INO80: variants seen among roughly 807,000 people sequenced by gnomAD.
INO80 encodes INO80 complex ATPase subunit.
In INO80, 20 loss-of-function variants were observed where a neutral mutation model predicts 203.4. The observed-to-expected ratio is 0.10, with a 90% CI of 0.07 to 0.14. The LOEUF (loss-of-function observed/expected upper bound fraction) is 0.14, where lower values mean the gene tolerates loss of function less well. Among genes scored for constraint, INO80 ranks in the 10% least tolerant of loss-of-function variants. The pLI is 1.00. For synonymous variants in INO80, 726 were observed against 685.2 expected, an observed-to-expected ratio of 1.06 and a Z score of -0.93; for missense variants, 1,419 against 1,914.4, an observed-to-expected ratio of 0.74 and a Z score of 4.83.
chr15:41,020,917 G>A lies in INO80; in HGVS notation c.3257C>T (p.Ser1086Phe), dbSNP rs779660848. The change falls in exon 26 of 36, where the codon TCT (serine) becomes TTT (phenylalanine). Residue 1086 changes from serine (S) to phenylalanine (F), a missense_variant. By Grantham distance (155) the Ser-to-Phe change is radical. This residue lies in a region of INO80 where 302 missense variants were observed against 345.4 expected (regional missense o/e 0.87). Coordinates refer to ENST00000648947, the MANE Select transcript of INO80 (RefSeq NM_017553.3). ...LWSIRPQNGW[S>F]FIRIPGKESL... is the part of the protein sequence containing the mutation. ...GAACTCACCTGGAATCCTGATGAAA[G>A]ACCAGCCATTCTGAGGTCTGATGCT... The A allele has an allele frequency of 6.2e-7, 1 of 1,611,462 alleles. No individual in the cohort carries two copies. Among genetic ancestry groups the A allele is most frequent in the Non-Finnish European group, 8.5e-7 (1 of 1,177,866 alleles).
rs544971616 is a variant in INO80, at chr15:41,096,805, A to T, written c.-43-452T>A. Reference sequence around the variant, plus strand: ...AATAGGTGCTGCCCTCTTCATTTTGAATTCATATTCATACATATATGTAAG... The same window carrying T: ...AATAGGTGCTGCCCTCTTCATTTTGTATTCATATTCATACATATATGTAAG... On this transcript the variant is annotated intron_variant, in intron 1 of 35. Coordinates refer to ENST00000648947, the MANE Select transcript of INO80 (RefSeq NM_017553.3). 5.3e-5 allele frequency among the ~76,000 whole-genome samples: 8 copies of T among 152,306 alleles called. No homozygotes were observed. In the East Asian group the frequency reaches 1.5e-3, roughly 29 times the overall value.
intron 29 of INO80, among the ~76,000 whole-genome samples, chr15:40,993,133 C>T (rs1463149431): frequency 1.3e-5 from 2 of 152,168 alleles, no homozygotes; most frequent in Non-Finnish European, 2.9e-5. Context: ...AAAAAGAATT[C>T]CTACTCTTAT....
intron 1 of INO80, among the ~76,000 whole-genome samples, chr15:41,103,468 CA>C (rs1163921076): frequency 2.6e-5 from 4 of 152,202 alleles, no homozygotes; most frequent in Non-Finnish European, 4.4e-5. Context: ...CAGCTCACTG[CA>C]ACCTCCGCCT....
intron 16 of INO80, among the ~76,000 whole-genome samples, chr15:41,056,948 G>A (rs796293726): frequency 9.9e-5 from 15 of 152,224 alleles, no homozygotes; most frequent in African/African-American, 3.6e-4. Flanking sequence ...GCCTCAAATA[G>A]GCAGAGTTGT....
chr15:41,082,279 C>G (rs1375775868), intron 7 of INO80, among the ~76,000 whole-genome samples: 1 of 143,398 alleles, frequency 7.0e-6, no homozygotes, highest in Admixed American at 7.0e-5. Flanking sequence ...AAAGTCATTT[C>G]TTGGCCAGGC....
intron 24 of INO80, among the ~76,000 whole-genome samples, chr15:41,037,506 A>T (rs964164573): frequency 6.6e-6 from 1 of 152,120 alleles, no homozygotes; most frequent in Non-Finnish European, 1.5e-5. Flanking sequence ...TCCATCTCCA[A>T]AAAAATTAAT....
chr15:40,992,946 C>A (rs2043834949), intron 29 of INO80, among the ~76,000 whole-genome samples: 1 of 152,178 alleles, frequency 6.6e-6, no homozygotes, highest in South Asian at 2.1e-4. Flanking sequence ...GCATGTGCCA[C>A]CACGCCTGAC....
At chr15:41,104,097 T>G (rs1426145338) in intron 1 of INO80, among the ~76,000 whole-genome samples, 2 of 150,110 alleles carry the variant, frequency 1.3e-5, no homozygotes, top group Non-Finnish European at 2.9e-5. Flanking sequence ...GGTGCATGCC[T>G]GTAATCCCAG....
rs13380096 is a variant in INO80 at position 41,091,143 on chromosome 15, C to T, written c.537+884G>A. ...TTCCTTATGTTGGTCAGGCTGGTCT[C>T]GAACTCCTGACCTCAGGTGATTCAC... On this transcript the variant is annotated intron_variant, in intron 5 of 35. Transcript: ENST00000648947. Among the ~76,000 whole-genome samples the T allele has an allele frequency of 9.8e-3, 1,497 of 152,214 alleles. 29 individuals are homozygous for T. Among genetic ancestry groups the T allele is most frequent in the African/African-American group, 0.035 (1,451 of 41,526 alleles).
chr15:40,984,069 C>T, intron 33 of INO80, 128 bp downstream of exon 33: 1 of 1,328,844 alleles, frequency 7.5e-7, no homozygotes, highest in Non-Finnish European at 1.0e-6. Context: ...TTACAGACCT[C>T]ATGTGCAACC....
intron 20 of INO80, among the ~76,000 whole-genome samples, chr15:41,049,623 C>G (rs1343061322): frequency 2.6e-5 from 4 of 152,194 alleles, no homozygotes; most frequent in African/African-American, 9.7e-5. Context: ...AGGCCAGGCG[C>G]AGTGGCTCAC....
At chr15:41,087,175 A>C (rs1031726868) in intron 6 of INO80, among the ~76,000 whole-genome samples, 3 of 152,166 alleles carry the variant, frequency 2.0e-5, no homozygotes, top group African/African-American at 7.2e-5. Context: ...CTGAATATGT[A>C]CAAACTTTTT....
At position 41,072,136 on chromosome 15, in the gene INO80, AATAT is replaced by A. The variant is rs1262395608; in HGVS notation, c.1396-82_1396-79del. 4.3e-6 allele frequency: 4 copies of A among 935,180 alleles called. No homozygotes were observed. In the Admixed American group the frequency reaches 8.4e-5, roughly 20 times the overall value. 57.9% of individuals were successfully genotyped at this position (935,180 alleles called of 1,614,324 possible). On this transcript the variant is annotated intron_variant, in intron 11 of 35. Transcript: ENST00000648947. Reference sequence around the variant, plus strand: ...ACATGAAAATAAGACTCAAGATAACAATATATCTACCCTGTGCTAAGAAAAATAA... The same window carrying A: ...ACATGAAAATAAGACTCAAGATAACAATCTACCCTGTGCTAAGAAAAATAA...
At chr15:41,046,685 T>C (rs567708535) in intron 23 of INO80, among the ~76,000 whole-genome samples, 3 of 151,960 alleles carry the variant, frequency 2.0e-5, no homozygotes, top group Non-Finnish European at 4.4e-5. Flanking sequence ...TGGAGCGATC[T>C]TGACTCACTG....
intron 7 of INO80, 90 bp downstream of exon 7, chr15:41,085,279 G>T (rs1163699506): frequency 2.7e-6 from 3 of 1,101,382 alleles, no homozygotes; most frequent in Non-Finnish European, 4.1e-6. Context: ...ATTCCTATCT[G>T]TGAAAGTATC....
chr15:41,015,944 C>CAA (rs200056630), intron 27 of INO80, 144 bp downstream of exon 27: 1,093 of 464,882 alleles, frequency 2.4e-3, no homozygotes, highest in Non-Finnish European at 2.5e-3. Context: ...GACTCTGTCT[C>CAA]AAAAAAAAAA....
chr15:41,083,574 C>T lies in INO80; in HGVS notation c.873+1795G>A, dbSNP rs1054673935. 9.2e-5 allele frequency among the ~76,000 whole-genome samples: 14 copies of T among 151,764 alleles called. 1 individual carries two copies. In the East Asian group the frequency reaches 9.7e-4, roughly 11 times the overall value. On this transcript the variant is annotated intron_variant, in intron 7 of 35. Transcript: ENST00000648947. Reference sequence around the variant, plus strand: ...TACAAAAATTAGCTGGGTGTGACGGCGCGCACCTGTAGTCCCAGCTACTCA... The same window carrying T: ...TACAAAAATTAGCTGGGTGTGACGGTGCGCACCTGTAGTCCCAGCTACTCA...
At position 40,980,027 on chromosome 15, in the gene INO80, G is replaced by T. The variant is rs1383990072; in HGVS notation, c.*196C>A. 3.4e-6 allele frequency: 2 copies of T among 596,878 alleles called. No homozygotes were observed. The highest frequency in any genetic ancestry group is 2.9e-5 in the Admixed American group (1 of 33,976). The allele number at this position is 596,878 out of a possible 1,614,324, so 37.0% of individuals were successfully genotyped here. A position where few individuals can be genotyped will look rare whatever the true frequency, so the allele number is the denominator to read the frequency against. ...CATGCCCTGTGGCCTTCCTCCTACA[G>T]GCACCCCAGATGCTCCTGATGAGAC... On this transcript the variant is annotated 3_prime_UTR_variant, in exon 36 of 36. Transcript: ENST00000648947.
chr15:41,016,292 C>A, intron 26 of INO80, 77 bp from the exon 27 acceptor site: 2 of 1,371,316 alleles, frequency 1.5e-6, no homozygotes, highest in Non-Finnish European at 2.0e-6. Flanking sequence ...AAGCTGTATG[C>A]AACCACAATC....
Sources: allele counts gnomAD v4.1 joint callset (sites outside exome capture counted in the v4.1 genomes callset), GRCh38; gene constraint gnomAD v4.1.1; regional missense constraint gnomAD v4.1.1; transcripts MANE v1.5; gene names NCBI Gene and HGNC (gene_info 2026-07-23, HGNC 2026-07-21).